Variants in SNX8 observed in about 807,000 individuals in gnomAD.
The protein encoded by SNX8 is sorting nexin 8.
In SNX8, 25 loss-of-function variants were observed where a neutral mutation model predicts 51.6. The ratio of observed to expected loss-of-function variants is 0.48; its 90% CI spans 0.35 to 0.68. The LOEUF is 0.68. Among genes scored for constraint, SNX8 ranks in the 30% least tolerant of loss-of-function variants. SNX8 has a pLI of 0.00. For missense variants in SNX8, 695 were observed against 624.0 expected, an observed-to-expected ratio of 1.11 and a Z score of -1.21; for synonymous variants, 324 against 277.0, an observed-to-expected ratio of 1.17 and a Z score of -1.68.
intron 1 of SNX8, among the ~76,000 whole-genome samples, chr7:2,338,109 T>C (rs144713668): frequency 6.6e-6 from 1 of 152,032 alleles, no homozygotes; most frequent in Non-Finnish European, 1.5e-5. Context: ...GCAGATTGCC[T>C]GAGCTCAGGA....
intron 1 of SNX8, among the ~76,000 whole-genome samples, chr7:2,326,647 C>T (rs1272544847): frequency 6.6e-6 from 1 of 151,926 alleles, no homozygotes; most frequent in Non-Finnish European, 1.5e-5. Context: ...GCCTGGGCGA[C>T]AGAGTCTCAC....
intron 5 of SNX8, among the ~76,000 whole-genome samples, chr7:2,268,028 T>G (rs1226284881): frequency 7.1e-6 from 1 of 140,790 alleles, no homozygotes; most frequent in African/African-American, 2.7e-5. Flanking sequence ...GTGAGGAGCG[T>G]CTCTGCCCGG....
intron 5 of SNX8, among the ~76,000 whole-genome samples, chr7:2,266,286 G>A (rs1262975661): frequency 6.6e-6 from 1 of 152,080 alleles, no homozygotes; most frequent in African/African-American, 2.4e-5. Flanking sequence ...CTGGGTTCAA[G>A]CAGTCCTCTT....
chr7:2,313,987 A>G (rs763895313), intron 1 of SNX8, among the ~76,000 whole-genome samples: 4 of 152,248 alleles, frequency 2.6e-5, no homozygotes, highest in Non-Finnish European at 5.9e-5. Flanking sequence ...AGAGCAGGGC[A>G]CCAGGAACGG....
intron 1 of SNX8, among the ~76,000 whole-genome samples, chr7:2,291,825 G>A (rs1796158468): frequency 6.6e-6 from 1 of 152,124 alleles, no homozygotes; most frequent in African/African-American, 2.4e-5. Context: ...TCCTCAACCT[G>A]TCTCATTCAC....
intron 1 of SNX8, among the ~76,000 whole-genome samples, chr7:2,344,479 G>GT (rs1159146425): frequency 6.6e-6 from 1 of 150,872 alleles, no homozygotes; most frequent in African/African-American, 2.4e-5. Context: ...GGGCGTGGTG[G>GT]TGGGTGCCTG....
intron 1 of SNX8, among the ~76,000 whole-genome samples, chr7:2,321,330 C>G (rs1000557120): frequency 2.6e-5 from 4 of 152,194 alleles, no homozygotes; most frequent in Admixed American, 6.6e-5. Context: ...TGGAGAGTGC[C>G]TTGGGAATGT....
rs535724646 is a variant in SNX8, at chr7:2,300,152, G to C, written c.94+14176C>G. 8.5e-5 allele frequency among the ~76,000 whole-genome samples: 13 copies of C among 152,280 alleles called. No individual in the cohort carries two copies. The South Asian group carries it at 2.7e-3, about 32-fold the overall frequency. ...AATTTGCACTGAACACGAAGACCTA[G>C]TTTTCCATGCACAGAAGGCTGGACT... On this transcript the variant is annotated intron_variant, in intron 1 of 10. Transcript: ENST00000222990.
chr7:2,257,347 G>T lies in SNX8; in HGVS notation c.1134+18C>A. ...GGGAAAGGCTCCCACGGGCCTGCTC[G>T]GCCGCCCCGCCACCCACCTCCACAA... On this transcript the variant is annotated intron_variant, in intron 9 of 10. Coordinates refer to ENST00000222990, the MANE Select transcript of SNX8 (RefSeq NM_013321.4). The T allele has an allele frequency of 6.3e-7, 1 of 1,598,642 alleles. No individual in the cohort carries two copies.
intron 1 of SNX8, among the ~76,000 whole-genome samples, chr7:2,345,252 A>C (rs1778998754): frequency 6.6e-6 from 1 of 152,224 alleles, no homozygotes; most frequent in South Asian, 2.1e-4. Flanking sequence ...GCAATGTATA[A>C]ACTAGAACAG....
intron 1 of SNX8, among the ~76,000 whole-genome samples, chr7:2,329,867 C>T (rs1327121115): frequency 6.6e-6 from 1 of 150,984 alleles, no homozygotes; most frequent in Non-Finnish European, 1.5e-5. Flanking sequence ...TCGCTCTGTT[C>T]CCCAGGCTGG....
intron 1 of SNX8, among the ~76,000 whole-genome samples, chr7:2,338,762 G>T (rs550384868): frequency 5.9e-5 from 9 of 152,146 alleles, no homozygotes; most frequent in Admixed American, 2.0e-4. Flanking sequence ...AGGATTTTTT[G>T]ATTCAAGAGC....
intron 1 of SNX8, among the ~76,000 whole-genome samples, chr7:2,308,129 T>A (rs906880356): frequency 2.1e-4 from 32 of 151,998 alleles, no homozygotes; most frequent in African/African-American, 7.2e-4. Flanking sequence ...ATATTTGCAG[T>A]GTTGTCAAGT....
chr7:2,284,494 C>A lies in SNX8; in HGVS notation c.95-6189G>T, dbSNP rs10282554. 2.5e-4 allele frequency among the ~76,000 whole-genome samples: 38 copies of A among 150,478 alleles called. 1 individual carries two copies. Among genetic ancestry groups the A allele is most frequent in the African/African-American group, 8.3e-4 (34 of 40,764 alleles). On this transcript the variant is annotated intron_variant, in intron 1 of 10. Coordinates refer to ENST00000222990, the MANE Select transcript of SNX8 (RefSeq NM_013321.4). ...TCAGTTCACTGCAATCTCCGCCTCC[C>A]GGGTTTAAGCGATTCTCCTGCCTCA...
Position 2,264,448 on chromosome 7 carries a change from G to A in SNX8, c.632C>T (p.Pro211Leu). ...GGCAAACTGAGCCTGGATGTCAGCT[G>A]GGAGGAAGTCCTGACATCATGATGG... Reference protein sequence around the residue: ...KLATRAKDFLPADIQAQFAIS... With the variant: ...KLATRAKDFLLADIQAQFAIS... Residue 211 changes from proline to leucine, a missense_variant, in exon 6 of 11, where the codon CCA becomes CTA. Physicochemically the swap from Pro to Leu is moderately conservative, Grantham distance 98. Transcript: ENST00000222990. 4.3e-6 allele frequency: 7 copies of A among 1,610,790 alleles called. No homozygotes were observed. Among genetic ancestry groups the A allele is most frequent in the Non-Finnish European group, 5.9e-6 (7 of 1,179,822 alleles).
intron 1 of SNX8, among the ~76,000 whole-genome samples, chr7:2,343,689 T>C (rs1249139646): frequency 6.6e-6 from 1 of 151,126 alleles, no homozygotes; most frequent in Non-Finnish European, 1.5e-5. Context: ...AATAAATAAA[T>C]AAAAGAAGAT....
At chr7:2,300,321 A>C (rs1292785895) in intron 1 of SNX8, among the ~76,000 whole-genome samples, 1 of 152,206 alleles carries the variant, frequency 6.6e-6, no homozygotes, top group Non-Finnish European at 1.5e-5. Flanking sequence ...CAATTCAAGG[A>C]GATTTTATGT....
intron 8 of SNX8, 39 bp from the exon 9 acceptor site, chr7:2,257,553 G>T (rs776617786): frequency 6.3e-7 from 1 of 1,597,974 alleles, no homozygotes; most frequent in South Asian, 1.1e-5. Context: ...CTGTCTGGAT[G>T]CCTGCGCCAG....
upstream of SNX8, among the ~76,000 whole-genome samples, chr7:2,317,814 T>C (rs1339214875): frequency 1.3e-5 from 2 of 152,104 alleles, no homozygotes; most frequent in Non-Finnish European, 2.9e-5. Context: ...CTCTCCACCA[T>C]AACCTGGGAG....
Sources: allele counts gnomAD v4.1 joint callset (sites outside exome capture counted in the v4.1 genomes callset), GRCh38; gene constraint gnomAD v4.1.1; transcripts MANE v1.5; gene names NCBI Gene and HGNC (gene_info 2026-07-23, HGNC 2026-07-21).